The following IL1RAPL1 variants were observed in gnomAD, a reference collection of about 807,000 sequenced individuals.
IL1RAPL1 encodes the protein interleukin-1 receptor accessory protein-like 1.
A neutral mutation model predicts 48.4 loss-of-function variants in IL1RAPL1; 3 were observed. The ratio of observed to expected loss-of-function variants is 0.06; its 90% CI spans 0.03 to 0.16. The LOEUF (loss-of-function observed/expected upper bound fraction) is 0.16, where lower values mean the gene tolerates loss of function less well. IL1RAPL1 is among the 10% of genes least tolerant of loss of function. The pLI, the probability that IL1RAPL1 is intolerant of heterozygous loss-of-function variation, is 1.00. For missense variants in IL1RAPL1, 349 were observed against 530.6 expected (o/e 0.66, Z 3.36); for synonymous variants, 185 against 187.7 (o/e 0.99, Z 0.12).
Position 29,945,664 on chromosome X carries a change from T to C in IL1RAPL1, c.1201+3870T>C, listed in dbSNP as rs543185995. 4.5e-5 allele frequency among the ~76,000 whole-genome samples: 5 copies of C among 111,983 alleles called. No homozygotes were observed. The East Asian group carries it at 1.4e-3, about 32-fold the overall frequency. On this transcript the variant is annotated intron_variant, in intron 9 of 10. Transcript: ENST00000378993. ...GAATTTAAGCTCCGGTCTAAATGGCTCTAAATTCCAAGATATACAGCCATT... is the reference window on the plus strand; with the variant it reads ...GAATTTAAGCTCCGGTCTAAATGGCCCTAAATTCCAAGATATACAGCCATT...
chrX:29,715,597 A>G (rs982740569), intron 6 of IL1RAPL1, among the ~76,000 whole-genome samples: 1 of 111,551 alleles, frequency 9.0e-6, no homozygotes, highest in Non-Finnish European at 1.9e-5. Context: ...TAGTGGGATC[A>G]GAATTAAAGG....
At chrX:29,560,887 T>C (rs1462695910) in intron 5 of IL1RAPL1, among the ~76,000 whole-genome samples, 2 of 112,220 alleles carry the variant, frequency 1.8e-5, no homozygotes, top group Non-Finnish European at 3.8e-5. Flanking sequence ...ACTACCAAAA[T>C]TGTGAGTTGT....
At chrX:29,346,248 C>T (rs993341425) in intron 3 of IL1RAPL1, among the ~76,000 whole-genome samples, 5 of 112,462 alleles carry the variant, frequency 4.4e-5, no homozygotes, top group East Asian at 5.6e-4. Context: ...CAACAATCTC[C>T]CATTTGCCAT....
chrX:28,780,359 G>GTCTGTC (rs796181743), intron 1 of IL1RAPL1, among the ~76,000 whole-genome samples: 130 of 86,890 alleles, frequency 1.5e-3, no homozygotes, highest in African/African-American at 5.3e-3. Flanking sequence ...GTGTGTGTGT[G>GTCTGTC]TGTGTGTCTG....
At chrX:29,027,989 T>G (rs1271322499) in intron 2 of IL1RAPL1, among the ~76,000 whole-genome samples, 1 of 109,587 alleles carries the variant, frequency 9.1e-6, no homozygotes, top group African/African-American at 3.3e-5. Context: ...TTGAAAAAAT[T>G]GTATGTGTTT....
At chrX:28,908,865 T>TA (rs1923288222) in intron 2 of IL1RAPL1, among the ~76,000 whole-genome samples, 2 of 111,796 alleles carry the variant, frequency 1.8e-5, no homozygotes, top group South Asian at 7.4e-4. Flanking sequence ...TGTATTTTGA[T>TA]ACTCTCATTA....
intron 5 of IL1RAPL1, among the ~76,000 whole-genome samples, chrX:29,469,572 C>T (rs1214359624): frequency 8.9e-6 from 1 of 111,818 alleles, no homozygotes; most frequent in Non-Finnish European, 1.9e-5. Context: ...ATAGCATCTC[C>T]ATCCTAAACA....
At chrX:29,415,091 T>G (rs1934197399) in intron 5 of IL1RAPL1, among the ~76,000 whole-genome samples, 1 of 111,863 alleles carries the variant, frequency 8.9e-6, no homozygotes, top group South Asian at 3.7e-4. Context: ...GAAGAAAGAT[T>G]CCAACATATT....
intron 6 of IL1RAPL1, among the ~76,000 whole-genome samples, chrX:29,778,634 A>G (rs952508489): frequency 2.7e-5 from 3 of 111,722 alleles, no homozygotes; most frequent in African/African-American, 6.5e-5. Context: ...CAGGGCTACT[A>G]TTTTATTAGT....
In IL1RAPL1 at chrX:29,956,614, A is replaced by G. The variant is rs1403230542; in HGVS notation, c.*794A>G. ...AAGATCAAGGGCATGAAATTGGGGA[A>G]GAGTGTTATTTCCGTTTTTTAAATG... On this transcript the variant is annotated 3_prime_UTR_variant, in exon 11 of 11. Transcript: ENST00000378993. The G allele has an allele frequency of 1.9e-5, 2 of 105,610 alleles. No homozygotes were observed. The highest frequency in any genetic ancestry group is 4.2e-4 in the South Asian group (1 of 2,400). 8.7% of individuals were successfully genotyped at this position (105,610 alleles called of 1,213,427 possible).
rs1362685132 is a variant in IL1RAPL1 at position 29,107,568 on chromosome X, GAAC to G, written c.83-175365_83-175363del. Among the ~76,000 whole-genome samples, 3 of 111,258 alleles carry G rather than the reference GAAC, an allele frequency of 2.7e-5. No individual in the cohort carries two copies. In the East Asian group the frequency reaches 8.5e-4, roughly 31 times the overall value. ...GATTTAGCAGTAAGTGCTTTAAAAA[GAAC>G]AACAGCAGCAAGCTTGAACCTTTGC... On this transcript the variant is annotated intron_variant, in intron 2 of 10. Transcript: ENST00000378993.
At chrX:29,101,847 G>T (rs1928345574) in intron 2 of IL1RAPL1, among the ~76,000 whole-genome samples, 1 of 111,637 alleles carries the variant, frequency 9.0e-6, no homozygotes, top group Admixed American at 9.5e-5. Flanking sequence ...TGAGGCAGGA[G>T]AATTGCTTGA....
chrX:28,815,839 G>GTATGTATA (rs1467095474), intron 2 of IL1RAPL1, among the ~76,000 whole-genome samples: 21 of 29,103 alleles, frequency 7.2e-4, no homozygotes, highest in African/African-American at 1.9e-3. Context: ...GTGTGTTTAT[G>GTATGTATA]TATATATATA....
intron 2 of IL1RAPL1, among the ~76,000 whole-genome samples, chrX:28,804,162 A>T (rs1319797162): frequency 1.8e-5 from 2 of 111,425 alleles, no homozygotes; most frequent in East Asian, 5.7e-4. Context: ...GTGGTGCTAT[A>T]GGCATTGTCC....
intron 2 of IL1RAPL1, among the ~76,000 whole-genome samples, chrX:28,805,877 A>C (rs902124276): frequency 9.0e-6 from 1 of 110,499 alleles, no homozygotes; most frequent in African/African-American, 3.3e-5. Flanking sequence ...ATATATATAT[A>C]TCTTTTGTAA....
At chrX:29,209,408 G>C (rs1930727900) in intron 2 of IL1RAPL1, among the ~76,000 whole-genome samples, 1 of 111,748 alleles carries the variant, frequency 8.9e-6, no homozygotes, top group South Asian at 3.7e-4. Flanking sequence ...TCTCACTAAG[G>C]TTTATTATTT....
intron 2 of IL1RAPL1, among the ~76,000 whole-genome samples, chrX:28,945,798 T>C (rs1924283609): frequency 9.2e-6 from 1 of 109,246 alleles, no homozygotes; most frequent in African/African-American, 3.3e-5. Flanking sequence ...CTCATTTTAG[T>C]TAGTTGTTTA....
At chrX:29,926,748 G>A (rs1932895201) in intron 8 of IL1RAPL1, among the ~76,000 whole-genome samples, 2 of 111,366 alleles carry the variant, frequency 1.8e-5, no homozygotes, top group South Asian at 7.5e-4. Flanking sequence ...CCCACTACAT[G>A]TCAATACAAC....
At chrX:29,592,013 G>T (rs1258462142) in intron 5 of IL1RAPL1, among the ~76,000 whole-genome samples, 2 of 111,468 alleles carry the variant, frequency 1.8e-5, no homozygotes, top group African/African-American at 3.3e-5. Flanking sequence ...AGGATCTGAT[G>T]AACGGGTGAA....
Sources: allele counts gnomAD v4.1 joint callset (sites outside exome capture counted in the v4.1 genomes callset), GRCh38; gene constraint gnomAD v4.1.1; transcripts MANE v1.5; gene names NCBI Gene and HGNC (gene_info 2026-07-23, HGNC 2026-07-21).